SPEF2: variants seen among roughly 807,000 people sequenced by gnomAD.
SPEF2 encodes the protein sperm flagella and cilia-associated protein 2.
In SPEF2, 187 loss-of-function variants were observed where a neutral mutation model predicts 224.6. The ratio of observed to expected loss-of-function variants is 0.83; its 90% confidence interval spans 0.74 to 0.94. SPEF2 has a LOEUF of 0.94. Ranked by LOEUF, SPEF2 falls within the 40% of genes least tolerant of loss-of-function variation. The pLI is 0.00. For synonymous variants in SPEF2, 715 were observed against 707.3 expected (o/e 1.01, Z -0.17); for missense variants, 2,170 against 2,135.6 (o/e 1.02, Z -0.32).
At chr5:35,809,855 CCCTGCT>C (rs1477491856) in intron 36 of SPEF2, among the ~76,000 whole-genome samples, 1 of 152,110 alleles carries the variant, frequency 6.6e-6, no homozygotes, top group Non-Finnish European at 1.5e-5. Flanking sequence ...AGCTTACATT[CCCTGCT>C]CCACATATCA....
chr5:35,773,950 C>A lies in SPEF2; in HGVS notation c.4007C>A (p.Ala1336Asp), dbSNP rs1278981237. The change falls in exon 28 of 37, where the codon GCT becomes GAT. Residue 1336 changes from alanine (A) to aspartate (D), a missense_variant. Transcript: ENST00000356031. ...GTCATAGTAACAACAGAGGAAATTG[C>A]TGAAATCAAAAGGAAAAATGAACTG... Reference protein sequence around the residue: ...TPVIVTTEEIAEIKRKNELRV... With the variant: ...TPVIVTTEEIDEIKRKNELRV... The A allele has an allele frequency of 6.2e-7, 1 of 1,613,118 alleles. No homozygotes were observed.
At chr5:35,774,519 A>G (rs368735671) in intron 28 of SPEF2, among the ~76,000 whole-genome samples, 35 of 152,256 alleles carry the variant, frequency 2.3e-4, no homozygotes, top group African/African-American at 6.7e-4. Flanking sequence ...AGCCAGTCAT[A>G]TATCTATTAT....
chr5:35,712,714 G>A, intron 19 of SPEF2, 98 bp from the exon 20 acceptor site: 1 of 1,186,308 alleles, frequency 8.4e-7, no homozygotes, highest in Admixed American at 2.0e-5. Flanking sequence ...AAATGTAACT[G>A]TTTACCTATG....
At chr5:35,710,347 C>G in intron 19 of SPEF2, 1 of 805,196 alleles carries the variant, frequency 1.2e-6, no homozygotes, top group East Asian at 1.3e-4. Context: ...CACCAGAAAT[C>G]AGGAGTTCGA....
At chr5:35,734,483 T>A (rs1441668252) in intron 21 of SPEF2, among the ~76,000 whole-genome samples, 1 of 140,730 alleles carries the variant, frequency 7.1e-6, no homozygotes, top group East Asian at 2.0e-4. Context: ...AAACATCTCA[T>A]AATGTTTTAA....
chr5:35,628,488 C>T lies in SPEF2; in HGVS notation c.87C>T (p.Ser29=), dbSNP rs1744588166. 4 of 1,613,792 alleles carry T rather than the reference C, an allele frequency of 2.5e-6. No homozygotes were observed. Among genetic ancestry groups the T allele is most frequent in the Non-Finnish European group, 3.4e-6 (4 of 1,179,864 alleles). ...CCAAGTCATTTGCAAAGGCATTTTCCAGTGGCTATCTACTTGGAGAAGTTC... is the reference window on the plus strand; with the variant it reads ...CCAAGTCATTTGCAAAGGCATTTTCTAGTGGCTATCTACTTGGAGAAGTTC... ...VSPKSFAKAF[S]SGYLLGEVLH... The change falls in exon 2 of 37, where the codon TCC becomes TCT. Residue 29 remains serine (S), a synonymous_variant. Transcript: ENST00000356031.
At chr5:35,640,267 A>T (rs1417712786) in intron 2 of SPEF2, among the ~76,000 whole-genome samples, 1 of 152,176 alleles carries the variant, frequency 6.6e-6, no homozygotes, top group Non-Finnish European at 1.5e-5. Context: ...GCCCAAGGTT[A>T]TAACCCAGAC....
chr5:35,619,942 C>T (rs538969684), intron 1 of SPEF2, among the ~76,000 whole-genome samples: 32 of 152,128 alleles, frequency 2.1e-4, no homozygotes, highest in African/African-American at 6.7e-4. Context: ...AAATTCCTGG[C>T]GTCTGTGCTC....
chr5:35,753,958 C>A (rs1019060437), intron 24 of SPEF2, among the ~76,000 whole-genome samples, 197 bp downstream of exon 24: 7 of 152,034 alleles, frequency 4.6e-5, no homozygotes, highest in Non-Finnish European at 7.4e-5. Context: ...AAATATGCAC[C>A]CAAATTGGAA....
intron 18 of SPEF2, among the ~76,000 whole-genome samples, chr5:35,706,743 T>C (rs769512182): frequency 6.6e-6 from 1 of 152,112 alleles, no homozygotes; most frequent in Non-Finnish European, 1.5e-5. Flanking sequence ...ACAATCACCA[T>C]GGAAATCCAG....
chr5:35,760,570 A>G (rs1358067739), intron 25 of SPEF2, among the ~76,000 whole-genome samples: 2 of 152,172 alleles, frequency 1.3e-5, no homozygotes, highest in Non-Finnish European at 1.5e-5. Flanking sequence ...TAATAGTCTA[A>G]CATCAGATTT....
chr5:35,789,144 A>G (rs770651977), intron 30 of SPEF2: 42 of 702,864 alleles, frequency 6.0e-5, no homozygotes, highest in Non-Finnish European at 1.1e-4. Flanking sequence ...TGTTGTTCCC[A>G]ACCTGTGTTA....
intron 21 of SPEF2, 111 bp from the exon 22 acceptor site, chr5:35,739,808 T>C (rs1490925780): frequency 5.0e-6 from 6 of 1,210,212 alleles, no homozygotes; most frequent in Non-Finnish European, 5.8e-6. Flanking sequence ...GAATGCTTTA[T>C]GTAGTTGCAG....
At chr5:35,647,356 G>C (rs1747529688) in intron 5 of SPEF2, among the ~76,000 whole-genome samples, 1 of 151,494 alleles carries the variant, frequency 6.6e-6, no homozygotes, top group Non-Finnish European at 1.5e-5. Context: ...AGAGAGAGAA[G>C]GTGCCAGGTT....
chr5:35,701,252 TG>T lies in SPEF2; in HGVS notation c.2398+501del, dbSNP rs1363014170. ...TCATAGTTTAACTGTTTTTCAACCT[TG>T]AAAAATATCCTTTATTCCACAAATT... On this transcript the variant is annotated intron_variant, in intron 16 of 36. Transcript: ENST00000356031. Among the ~76,000 whole-genome samples the T allele has an allele frequency of 2.6e-5, 4 of 152,236 alleles. No individual in the cohort carries two copies. In the East Asian group the frequency reaches 7.7e-4, roughly 29 times the overall value.
intron 34 of SPEF2, among the ~76,000 whole-genome samples, chr5:35,805,029 G>T (rs1000858881): frequency 6.6e-6 from 1 of 152,148 alleles, no homozygotes; most frequent in Non-Finnish European, 1.5e-5. Flanking sequence ...TTGATGGGTA[G>T]CCAATGCAAT....
chr5:35,661,621 G>A (rs57246001), intron 8 of SPEF2, among the ~76,000 whole-genome samples: 14,598 of 151,436 alleles, frequency 0.096, 837 homozygotes, highest in East Asian at 0.18. Context: ...GTTCCCCTCC[G>A]TGTGTCCATG....
intron 1 of SPEF2, among the ~76,000 whole-genome samples, chr5:35,619,236 T>G (rs1033488149): frequency 6.6e-6 from 1 of 152,230 alleles, no homozygotes; most frequent in African/African-American, 2.4e-5. Flanking sequence ...TAAAATATGA[T>G]GGACTGAGGA....
At chr5:35,638,908 A>G (rs1052907967) in intron 2 of SPEF2, among the ~76,000 whole-genome samples, 5 of 152,130 alleles carry the variant, frequency 3.3e-5, no homozygotes, top group Non-Finnish European at 7.4e-5. Flanking sequence ...AAGTTAAAGG[A>G]CCATCCTGAC....
Sources: allele counts gnomAD v4.1 joint callset (sites outside exome capture counted in the v4.1 genomes callset), GRCh38; gene constraint gnomAD v4.1.1; transcripts MANE v1.5; gene names NCBI Gene and HGNC (gene_info 2026-07-23, HGNC 2026-07-21).